FBXL13: variants seen among roughly 807,000 people sequenced by gnomAD.
The protein encoded by FBXL13 is F-box and leucine rich repeat protein 13, also known as F-box and leucine-rich repeat protein 13.
In FBXL13, 67 loss-of-function variants were observed where a neutral mutation model predicts 83.6. The observed-to-expected ratio is 0.80, with a 90% CI of 0.66 to 0.98. The LOEUF is 0.98. Ranked by LOEUF, FBXL13 falls within the 50% of genes least tolerant of loss-of-function variation. FBXL13 has a pLI of 0.00. For missense variants in FBXL13, 822 were observed against 866.5 expected (o/e 0.95, Z 0.64); for synonymous variants, 272 against 299.5 (o/e 0.91, Z 0.95).
chr7:102,984,182 A>G (rs931308730), intron 6 of FBXL13, among the ~76,000 whole-genome samples: 4 of 152,184 alleles, frequency 2.6e-5, no homozygotes, highest in Non-Finnish European at 5.9e-5. Flanking sequence ...AGTCATTTGC[A>G]TCTTTAAATC....
chr7:102,894,038 CAAAG>C (rs748684993), intron 11 of FBXL13, among the ~76,000 whole-genome samples: 2 of 152,000 alleles, frequency 1.3e-5, no homozygotes, highest in Non-Finnish European at 2.9e-5. Flanking sequence ...AAGAAAGAGA[CAAAG>C]AAATTCCTCC....
intron 2 of FBXL13, among the ~76,000 whole-genome samples, chr7:103,041,472 T>C (rs1795686511): frequency 6.6e-6 from 1 of 152,228 alleles, no homozygotes; most frequent in African/African-American, 2.4e-5. Flanking sequence ...ACTCTTTTTA[T>C]GAGGCTAGCA....
chr7:102,867,695 A>ATATATTTTT (rs1239781180), intron 16 of FBXL13, among the ~76,000 whole-genome samples: 8 of 49,078 alleles, frequency 1.6e-4, no homozygotes, highest in African/African-American at 9.8e-4. Flanking sequence ...ATATATATAT[A>ATATATTTTT]TTTTTTTTTT....
At chr7:102,878,877 T>C (rs1809616930) in intron 14 of FBXL13, among the ~76,000 whole-genome samples, 1 of 152,176 alleles carries the variant, frequency 6.6e-6, no homozygotes, top group Non-Finnish European at 1.5e-5. Context: ...ACAAGGTCAA[T>C]TTGCTGGATA....
At chr7:102,814,505 A>G (rs1797726454) in intron 19 of FBXL13, 1 of 152,250 alleles carries the variant, frequency 6.6e-6, no homozygotes, top group South Asian at 2.1e-4. Flanking sequence ...ATGCTATTTC[A>G]GTTAAATCAA....
rs1308191081 is a variant in FBXL13, at chr7:102,864,617, CCTT to C, written c.1636-9760_1636-9758del. ...CTCCTGACCTCAGGTAATCCACCCT[CCTT>C]GACCTCCCAAAGTGCTGGGATTACA... On this transcript the variant is annotated intron_variant, in intron 16 of 19. Coordinates refer to ENST00000313221, the Ensembl canonical transcript of FBXL13. Among the ~76,000 whole-genome samples the C allele has an allele frequency of 2.0e-5, 3 of 152,166 alleles. No individual in the cohort carries two copies. In the East Asian group the frequency reaches 5.8e-4, roughly 29 times the overall value.
chr7:103,020,566 T>C (rs575199483), intron 6 of FBXL13, among the ~76,000 whole-genome samples: 18 of 152,314 alleles, frequency 1.2e-4, no homozygotes, highest in Admixed American at 9.8e-4. Flanking sequence ...GATGACATGA[T>C]TGTATATTTA....
intron 1 of FBXL13, among the ~76,000 whole-genome samples, chr7:103,068,510 C>T (rs781146429): frequency 5.9e-5 from 9 of 152,132 alleles, no homozygotes; most frequent in Non-Finnish European, 1.0e-4. Flanking sequence ...AAAACAGACA[C>T]ATTACAAAAA....
chr7:102,979,154 G>T (rs1478409373), intron 6 of FBXL13, among the ~76,000 whole-genome samples: 2 of 152,126 alleles, frequency 1.3e-5, no homozygotes, highest in African/African-American at 4.8e-5. Context: ...TGATCCAAAA[G>T]AATAATAAAA....
At chr7:103,038,695 C>T (rs956739690) in intron 2 of FBXL13, among the ~76,000 whole-genome samples, 1 of 152,158 alleles carries the variant, frequency 6.6e-6, no homozygotes, top group Non-Finnish European at 1.5e-5. Flanking sequence ...GAGTGGACCT[C>T]CAGCAAACTC....
intron 16 of FBXL13, among the ~76,000 whole-genome samples, chr7:102,865,438 C>A (rs1265912013): frequency 6.6e-6 from 1 of 152,218 alleles, no homozygotes; most frequent in Non-Finnish European, 1.5e-5. Flanking sequence ...CCCAAGCGAT[C>A]TTCCCTTTTC....
intron 17 of FBXL13, among the ~76,000 whole-genome samples, chr7:102,838,408 G>T: frequency 6.6e-6 from 1 of 151,940 alleles, no homozygotes; most frequent in East Asian, 1.9e-4. Context: ...GCTTCTCTGT[G>T]GCTCTGATTG....
chr7:103,005,206 T>C (rs1790854660), intron 6 of FBXL13, among the ~76,000 whole-genome samples: 1 of 152,168 alleles, frequency 6.6e-6, no homozygotes, highest in Non-Finnish European at 1.5e-5. Context: ...AAGCATCTGA[T>C]GTAAATACTG....
intron 8 of FBXL13, chr7:102,934,549 TA>T (rs1279944568): frequency 6.5e-7 from 1 of 1,527,248 alleles, no homozygotes; most frequent in South Asian, 1.1e-5. Flanking sequence ...AACAGTTGTG[TA>T]ATGAAGAAGA....
intron 2 of FBXL13, among the ~76,000 whole-genome samples, chr7:103,040,926 A>G (rs1795614282): frequency 6.6e-6 from 1 of 152,178 alleles, no homozygotes. Context: ...GAACTAGAGA[A>G]GCAAGAGCAA....
chr7:103,069,768 C>T (rs1798751701), intron 1 of FBXL13, among the ~76,000 whole-genome samples: 1 of 152,142 alleles, frequency 6.6e-6, no homozygotes, highest in Admixed American at 6.5e-5. Flanking sequence ...CACACAATGT[C>T]CAATAAAAAT....
At chr7:102,847,132 T>A (rs1221900511) in intron 17 of FBXL13, among the ~76,000 whole-genome samples, 2 of 152,078 alleles carry the variant, frequency 1.3e-5, no homozygotes, top group Non-Finnish European at 2.9e-5. Context: ...ATGGCAAAGT[T>A]GGGAAGTTGC....
chr7:102,906,318 G>A (rs966524932), intron 11 of FBXL13, among the ~76,000 whole-genome samples: 3 of 152,136 alleles, frequency 2.0e-5, no homozygotes, highest in African/African-American at 7.2e-5. Context: ...TACTGATTAT[G>A]TCTTGAAAAG....
At chr7:102,900,952 T>C (rs1161426839) in intron 11 of FBXL13, among the ~76,000 whole-genome samples, 1 of 152,240 alleles carries the variant, frequency 6.6e-6, no homozygotes, top group Non-Finnish European at 1.5e-5. Context: ...TTCAATTCTT[T>C]ACACATTTAG....
Sources: gnomAD v4.1 joint callset for allele counts (sites outside exome capture counted in the v4.1 genomes callset) on GRCh38, gnomAD v4.1.1 for gene constraint, MANE v1.5 for transcripts, NCBI Gene and HGNC (gene_info 2026-07-23, HGNC 2026-07-21) for gene names.